F11R: variants seen among roughly 807,000 people sequenced by gnomAD.
F11R encodes the protein F11 receptor, also known as junctional adhesion molecule A.
Under a neutral mutation model 39.3 loss-of-function variants are expected in F11R, and 27 were observed. The observed-to-expected ratio is 0.69, with a 90% CI of 0.51 to 0.95. F11R has a LOEUF of 0.95. F11R is among the 40% of genes least tolerant of loss of function. The pLI is 0.00. For synonymous variants in F11R, 131 were observed against 144.9 expected (o/e 0.90, Z 0.69); for missense variants, 335 against 372.7 (o/e 0.90, Z 0.83).
chr1:160,999,832 C>T lies in F11R; in HGVS notation c.694+44G>A, dbSNP rs201003339. On this transcript the variant is annotated intron_variant, in intron 6 of 9. Transcript: ENST00000368026. ...CACCAATGGCAGGATGAAAAGCAGA[C>T]CCCAATCCCCACCCCAGGTCTGGGC... 70 of 1,608,522 alleles carry T rather than the reference C, an allele frequency of 4.4e-5. No homozygotes were observed. The African/African-American group carries it at 7.7e-4, about 18-fold the overall frequency.
chr1:161,020,883 A>G (rs924870570), intron 1 of F11R, 127 bp downstream of exon 1: 1 of 840,624 alleles, frequency 1.2e-6, no homozygotes, highest in South Asian at 1.4e-5. Context: ...GGTGGAAAAG[A>G]TAATTCGCAG....
chr1:161,000,355 AAGAG>A lies in F11R; in HGVS notation c.389-11_389-8del. 6.2e-7 allele frequency: 1 copy of A among 1,613,234 alleles called. No homozygotes were observed. Among genetic ancestry groups the A allele is most frequent in the Non-Finnish European group, 8.5e-7 (1 of 1,179,936 alleles). On this transcript the variant is annotated splice_polypyrimidine_tract_variant and splice_region_variant and intron_variant, in intron 4 of 9. Coordinates refer to ENST00000368026, the MANE Select transcript of F11R (RefSeq NM_016946.6). Reference sequence around the variant, plus strand: ...GTAGGCTTGGATGGAGGCACTGTGGAAGAGAAAGACAGAAGGTGCTGAGTACAGG... The same window carrying A: ...GTAGGCTTGGATGGAGGCACTGTGGAAAAGACAGAAGGTGCTGAGTACAGG...
rs75840806 is a variant in F11R at position 161,014,145 on chromosome 1, C to T, written c.64+6865G>A. 2.0e-3 allele frequency among the ~76,000 whole-genome samples: 307 copies of T among 152,320 alleles called. 1 individual carries two copies. Among genetic ancestry groups the T allele is most frequent in the Admixed American group, 3.7e-3 (56 of 15,294 alleles). ...AAACCTCATCCTCAATTATGTTGGA[C>T]GCAAGGTCATCCAGGTCTTTCCTGA... On this transcript the variant is annotated intron_variant, in intron 1 of 9. Transcript: ENST00000368026.
At chr1:161,003,777 T>A (rs1432979452) in intron 1 of F11R, among the ~76,000 whole-genome samples, 1 of 151,842 alleles carries the variant, frequency 6.6e-6, no homozygotes, top group East Asian at 1.9e-4. Flanking sequence ...TATTATTATT[T>A]TTTTAAGATG....
In F11R at chr1:161,020,676, G is replaced by A. The variant is rs535977995; in HGVS notation, c.64+334C>T. 1.4e-4 allele frequency among the ~76,000 whole-genome samples: 22 copies of A among 152,300 alleles called. No individual in the cohort carries two copies. In the South Asian group the frequency reaches 3.3e-3, roughly 23 times the overall value. On this transcript the variant is annotated intron_variant, in intron 1 of 9. Coordinates refer to ENST00000368026, the MANE Select transcript of F11R (RefSeq NM_016946.6). The stretch of plus-strand genomic sequence containing the variant: ...CTTCCCAGGTGCGTGTGGAGCGCGC[G>A]CTGGGTAGATGAGTGTGGAAGGGTC...
intron 1 of F11R, among the ~76,000 whole-genome samples, chr1:161,015,615 G>A (rs1423336908): frequency 2.0e-5 from 3 of 146,802 alleles, no homozygotes; most frequent in African/African-American, 7.5e-5. Context: ...AGGCTGCAGT[G>A]AGCTATGATC....
At chr1:161,020,269 T>A (rs548009802) in intron 1 of F11R, among the ~76,000 whole-genome samples, 1 of 152,302 alleles carries the variant, frequency 6.6e-6, no homozygotes, top group African/African-American at 2.4e-5. Context: ...GGCAGAGCTC[T>A]GGCTCTGATG....
rs566218711 is a variant in F11R at position 161,021,144 on chromosome 1, G to C, written c.-71C>G. ...ACAGACACAGCTCCGCGACTACAGC[G>C]AGGGGACTGAGAGCCAGCCGCCAGG... is the stretch of plus-strand genomic sequence containing the variant. On this transcript the variant is annotated 5_prime_UTR_variant, in exon 1 of 10. Transcript: ENST00000368026. 1.7e-4 allele frequency: 242 copies of C among 1,434,692 alleles called. No homozygotes were observed. The African/African-American group carries it at 3.1e-3, about 18-fold the overall frequency. 88.9% of individuals were successfully genotyped at this position (1,434,692 alleles called of 1,614,324 possible).
chr1:161,003,774 A>T (rs573050418), intron 1 of F11R, among the ~76,000 whole-genome samples: 59 of 150,938 alleles, frequency 3.9e-4, no homozygotes, highest in Middle Eastern at 3.4e-3. Flanking sequence ...TATTATTATT[A>T]TTTTTTTAAG....
chr1:161,000,789 G>A lies in F11R; in HGVS notation c.242-12C>T, dbSNP rs553679526. 1 of 1,614,146 alleles carries A rather than the reference G, an allele frequency of 6.2e-7. No individual in the cohort carries two copies. The highest frequency in any genetic ancestry group is 1.1e-5 in the South Asian group (1 of 91,080). ...GTCCTCATAGGAAGCTACCACAAGA[G>A]GAGGCAAGAGCAAGGACAGAGTGAA... On this transcript the variant is annotated splice_polypyrimidine_tract_variant and intron_variant, in intron 3 of 9. Transcript: ENST00000368026.
intron 3 of F11R, 92 bp downstream of exon 3, chr1:161,000,928 C>T: frequency 2.7e-6 from 4 of 1,492,048 alleles, no homozygotes; most frequent in South Asian, 2.3e-5. Flanking sequence ...AGGGTGTGCC[C>T]TGGGATAAGG....
chr1:161,021,064 T>C lies in F11R; in HGVS notation c.10A>G (p.Lys4Glu). The C allele has an allele frequency of 1.9e-6, 3 of 1,613,830 alleles. No homozygotes were observed. The highest frequency in any genetic ancestry group is 8.5e-7 in the Non-Finnish European group (1 of 1,179,856). MGT[K>E]AQVERKLLCL... Reference sequence around the variant, plus strand: ...AACAGTTTCCTCTCGACTTGCGCCTTTGTCCCCATCGCGATCAGGCTCCCG... The same window carrying C: ...AACAGTTTCCTCTCGACTTGCGCCTCTGTCCCCATCGCGATCAGGCTCCCG... The change falls in exon 1 of 10, where the codon AAG (lysine) becomes GAG (glutamate). Residue 4 changes from lysine (K) to glutamate (E), a missense_variant. Transcript: ENST00000368026.
chr1:160,996,160 C>A lies in F11R; in HGVS notation c.*2711G>T, dbSNP rs960005061. 11 of 152,336 alleles carry A rather than the reference C, an allele frequency of 7.2e-5. No homozygotes were observed. Among genetic ancestry groups the A allele is most frequent in the African/African-American group, 2.4e-4 (10 of 41,458 alleles). 9.4% of individuals were successfully genotyped at this position (152,336 alleles called of 1,614,324 possible). ...TCCAATCACTCTAGGAGTCCCAATT[C>A]TCTTAAGGTAAGAACTTCAGGATTT... On this transcript the variant is annotated 3_prime_UTR_variant, in exon 10 of 10. Transcript: ENST00000368026.
chr1:161,016,242 C>T (rs765192988), intron 1 of F11R, among the ~76,000 whole-genome samples: 3 of 151,768 alleles, frequency 2.0e-5, no homozygotes, highest in South Asian at 2.1e-4. Flanking sequence ...TTTTGGAGGC[C>T]GTGGCGGGCA....
intron 1 of F11R, among the ~76,000 whole-genome samples, chr1:161,017,211 C>T (rs772581773): frequency 6.6e-6 from 1 of 152,094 alleles, no homozygotes; most frequent in East Asian, 1.9e-4. Flanking sequence ...AATATGGCCT[C>T]GTGGGAAGGG....
At chr1:161,002,896 A>G (rs546972100) in intron 1 of F11R, among the ~76,000 whole-genome samples, 1 of 151,364 alleles carries the variant, frequency 6.6e-6, no homozygotes, top group Non-Finnish European at 1.5e-5. Context: ...TATAGATAAG[A>G]GACTAAAGAT....
chr1:161,021,075 G>T lies in F11R; in HGVS notation c.-2C>A. On this transcript the variant is annotated 5_prime_UTR_variant, in exon 1 of 10. Coordinates refer to ENST00000368026, the MANE Select transcript of F11R (RefSeq NM_016946.6). ...CTCGACTTGCGCCTTTGTCCCCATC[G>T]CGATCAGGCTCCCGACACAACAGCC... is the stretch of plus-strand genomic sequence containing the variant. The T allele has an allele frequency of 1.2e-6, 2 of 1,613,248 alleles. No individual in the cohort carries two copies. The highest frequency in any genetic ancestry group is 1.7e-6 in the Non-Finnish European group (2 of 1,179,544).
At position 161,001,486 on chromosome 1, in the gene F11R, C is replaced by T. The variant is rs1648488768; in HGVS notation, c.65-133G>A. ...AGGAAGGGATTCCAGACTTATGCTC[C>T]CTCTGGCTCTCACACTTTGTCACCA... On this transcript the variant is annotated intron_variant, in intron 1 of 9. Coordinates refer to ENST00000368026, the MANE Select transcript of F11R (RefSeq NM_016946.6). 4 of 694,442 alleles carry T rather than the reference C, an allele frequency of 5.8e-6. No homozygotes were observed. In the Admixed American group the frequency reaches 1.1e-4, roughly 19 times the overall value. 43.0% of individuals were successfully genotyped at this position (694,442 alleles called of 1,614,324 possible).
rs1481661271 is a variant in F11R, at chr1:160,995,233, T to G, written c.*3638A>C. ...AGCTAAAGAATTGGATATTTTTTAA[T>G]GCAAATTGTTGTTTTTCTTCATTTG... On this transcript the variant is annotated 3_prime_UTR_variant, in exon 10 of 10. Transcript: ENST00000368026. The G allele has an allele frequency of 1.3e-5, 2 of 152,324 alleles. No homozygotes were observed. Among genetic ancestry groups the G allele is most frequent in the Non-Finnish European group, 2.9e-5 (2 of 68,036 alleles). 9.4% of individuals were successfully genotyped at this position (152,324 alleles called of 1,614,324 possible). A position where few individuals can be genotyped will look rare whatever the true frequency, so the allele number is the denominator to read the frequency against.
Sources: gnomAD v4.1 joint callset for allele counts (sites outside exome capture counted in the v4.1 genomes callset) on GRCh38, gnomAD v4.1.1 for gene constraint, MANE v1.5 for transcripts, NCBI Gene and HGNC (gene_info 2026-07-23, HGNC 2026-07-21) for gene names.